XPO6: variants seen among roughly 807,000 people sequenced by gnomAD.
XPO6 encodes exportin 6, also known as exportin-6.
In XPO6, 3 loss-of-function variants were observed where a neutral mutation model predicts 130.0. That is an observed-to-expected ratio of 0.02 (90% CI 0.01 to 0.06). XPO6 has a LOEUF of 0.06. Among genes scored for constraint, XPO6 ranks in the 10% least tolerant of loss-of-function variants. The pLI, the probability that XPO6 is intolerant of heterozygous loss-of-function variation, is 1.00. For synonymous variants in XPO6, 524 were observed against 548.9 expected (o/e 0.95, Z 0.63); for missense variants, 970 against 1,393.0 (o/e 0.70, Z 4.83).
chr16:28,131,769 TGA>T (rs1468757473), intron 12 of XPO6, among the ~76,000 whole-genome samples: 2 of 152,320 alleles, frequency 1.3e-5, no homozygotes, highest in East Asian at 3.9e-4. Flanking sequence ...TGGCATGTAA[TGA>T]GAGCTACAAA....
At chr16:28,107,705 T>C (rs773267488) in intron 17 of XPO6, 28 bp from the exon 18 acceptor site, 2 of 1,610,854 alleles carry the variant, frequency 1.2e-6, no homozygotes, top group South Asian at 2.2e-5. Context: ...TTGCAGGTTA[T>C]AAGCTGTCTG....
chr16:28,148,857 C>T (rs966865677), intron 8 of XPO6, among the ~76,000 whole-genome samples: 4 of 151,976 alleles, frequency 2.6e-5, no homozygotes, highest in African/African-American at 9.7e-5. Flanking sequence ...GCCTGGTCAA[C>T]ACGGTGAAAC....
intron 13 of XPO6, among the ~76,000 whole-genome samples, chr16:28,124,414 C>T (rs41101): frequency 0.054 from 8,205 of 152,208 alleles, 568 homozygotes; most frequent in East Asian, 0.17. Context: ...AAATAATGGA[C>T]TTATCTTTGG....
At chr16:28,174,775 C>CA (rs2043507866) in intron 4 of XPO6, among the ~76,000 whole-genome samples, 1 of 152,206 alleles carries the variant, frequency 6.6e-6, no homozygotes. Context: ...ATCCTACAGT[C>CA]ACTGAGACTA....
chr16:28,102,670 A>C (rs910926688), intron 21 of XPO6, among the ~76,000 whole-genome samples: 1 of 152,198 alleles, frequency 6.6e-6, no homozygotes, highest in African/African-American at 2.4e-5. Flanking sequence ...TCCAGGAGGC[A>C]GAGATTGCAG....
At chr16:28,133,355 C>T (rs932142586) in intron 11 of XPO6, among the ~76,000 whole-genome samples, 1 of 151,978 alleles carries the variant, frequency 6.6e-6, no homozygotes, top group Non-Finnish European at 1.5e-5. Flanking sequence ...AAAAAAATTA[C>T]CCTAATAACT....
At chr16:28,199,895 T>G (rs1158998689) in intron 1 of XPO6, among the ~76,000 whole-genome samples, 1 of 149,748 alleles carries the variant, frequency 6.7e-6, no homozygotes. Flanking sequence ...GGTGGCTCAC[T>G]CCTGTAATCC....
At chr16:28,135,764 T>C (rs11639636) in intron 9 of XPO6, among the ~76,000 whole-genome samples, 3,581 of 152,302 alleles carry the variant, frequency 0.024, 58 homozygotes, top group Non-Finnish European at 0.035. Context: ...AAAAAATCTG[T>C]TCTCTGCCTT....
At chr16:28,180,799 G>C in intron 2 of XPO6, 142 bp downstream of exon 2, 1 of 578,878 alleles carries the variant, frequency 1.7e-6, no homozygotes, top group Non-Finnish European at 2.9e-6. Flanking sequence ...CCAGCCACCA[G>C]CCAACAGAAC....
chr16:28,156,216 G>A lies in XPO6; in HGVS notation c.955C>T (p.Leu319Phe). The A allele has an allele frequency of 6.2e-7, 1 of 1,614,162 alleles. No homozygotes were observed. The highest frequency in any genetic ancestry group is 8.5e-7 in the Non-Finnish European group (1 of 1,180,018). The part of the protein sequence containing the change: ...GVLAMSCINE[L>F]MSKNCVPMEF... ...ATAGGCACACAGTTCTTGGACATGA[G>A]TTCATTGATGCAGGACATGGCCAGG... The change falls in exon 7 of 24, where the codon CTC becomes TTC. Residue 319 changes from leucine to phenylalanine, a missense_variant. By Grantham distance (22) the Leu-to-Phe change is conservative. Transcript: ENST00000304658.
chr16:28,122,130 A>G (rs1278515606), intron 13 of XPO6, among the ~76,000 whole-genome samples: 1 of 152,140 alleles, frequency 6.6e-6, no homozygotes, highest in Non-Finnish European at 1.5e-5. Context: ...CATACAGAAT[A>G]CATCGTGAAT....
chr16:28,128,334 TTTTC>T (rs2042600963), intron 12 of XPO6, among the ~76,000 whole-genome samples: 1 of 152,098 alleles, frequency 6.6e-6, no homozygotes, highest in Non-Finnish European at 1.5e-5. Flanking sequence ...GGAGGCCAGC[TTTTC>T]TTTCTCAGAG....
intron 15 of XPO6, among the ~76,000 whole-genome samples, chr16:28,113,714 A>G (rs1403652030): frequency 1.3e-5 from 2 of 152,190 alleles, no homozygotes; most frequent in Non-Finnish European, 2.9e-5. Context: ...CCTATAACCT[A>G]TAATACTTAC....
intron 6 of XPO6, among the ~76,000 whole-genome samples, chr16:28,166,130 G>A (rs2043352464): frequency 6.6e-6 from 1 of 151,686 alleles, no homozygotes; most frequent in Non-Finnish European, 1.5e-5. Context: ...CATGAATCCA[G>A]TGAGGAAGAA....
At chr16:28,177,969 G>A (rs536357539) in intron 2 of XPO6, among the ~76,000 whole-genome samples, 1 of 152,276 alleles carries the variant, frequency 6.6e-6, no homozygotes, top group African/African-American at 2.4e-5. Flanking sequence ...CACACATCAC[G>A]TTGGTTAGAA....
At chr16:28,146,036 G>T in intron 9 of XPO6, 58 bp downstream of exon 9, 1 of 1,355,298 alleles carries the variant, frequency 7.4e-7, no homozygotes, top group Non-Finnish European at 1.1e-6. Context: ...TGTCTCTTAG[G>T]CCACTAGAAT....
At chr16:28,170,761 T>C (rs1296401426) in intron 4 of XPO6, among the ~76,000 whole-genome samples, 1 of 152,244 alleles carries the variant, frequency 6.6e-6, no homozygotes, top group Admixed American at 6.5e-5. Flanking sequence ...AATACCCATG[T>C]AGCAAATTAA....
intron 8 of XPO6, among the ~76,000 whole-genome samples, chr16:28,146,971 A>T (rs1197499735): frequency 6.6e-6 from 1 of 152,098 alleles, no homozygotes; most frequent in East Asian, 1.9e-4. Context: ...TCCTTCCCCT[A>T]TGCATTCAGG....
intron 21 of XPO6, among the ~76,000 whole-genome samples, chr16:28,102,517 C>G (rs1409288255): frequency 1.3e-5 from 2 of 152,178 alleles, no homozygotes; most frequent in African/African-American, 4.8e-5. Context: ...GTGGGCGGAT[C>G]ACTGAAGGGT....
Sources: gnomAD v4.1 joint callset for allele counts (sites outside exome capture counted in the v4.1 genomes callset) on GRCh38, gnomAD v4.1.1 for gene constraint, MANE v1.5 for transcripts, NCBI Gene and HGNC (gene_info 2026-07-23, HGNC 2026-07-21) for gene names.